Variants in SNX25 observed in about 807,000 individuals in gnomAD.
SNX25 encodes sorting nexin-25.
A neutral mutation model predicts 113.7 loss-of-function variants in SNX25; 62 were observed. The ratio of observed to expected loss-of-function variants is 0.55; its 90% confidence interval spans 0.44 to 0.67. SNX25 has a LOEUF of 0.67. Ranked by LOEUF, SNX25 falls within the 30% of genes least tolerant of loss-of-function variation. The pLI is 0.00. For synonymous variants in SNX25, 421 were observed against 436.2 expected (o/e 0.97, Z 0.43); for missense variants, 1,014 against 1,161.0 (o/e 0.87, Z 1.84).
At chr4:185,369,775 C>CTAGG in exon 12 of SNX25, 1 of 445,914 alleles carries the variant, frequency 2.2e-6, no homozygotes, top group Non-Finnish European at 4.5e-6. Context: ...ACGCTTCTGT[C>CTAGG]TCCTAGAGAC....
rs947179614 is a variant in SNX25 at position 185,317,587 on chromosome 4, A to G, written c.1345-3146A>G. The stretch of plus-strand genomic sequence containing the variant: ...GAACCAACCCAAATGCCCATCAATG[A>G]TAGACTGGAAGAAGAAAATGTGGCA... On this transcript the variant is annotated intron_variant, in intron 7 of 18. Coordinates refer to ENST00000652585, the MANE Select transcript of SNX25 (RefSeq NM_001378034.2). 3.9e-4 allele frequency among the ~76,000 whole-genome samples: 60 copies of G among 152,234 alleles called. 3 individuals carry two copies. Among genetic ancestry groups the G allele is most frequent in the Non-Finnish European group, 1.5e-5 (1 of 68,038 alleles).
intron 4 of SNX25, among the ~76,000 whole-genome samples, chr4:185,266,299 G>A (rs544441982): frequency 3.5e-4 from 54 of 152,214 alleles, no homozygotes; most frequent in African/African-American, 1.3e-3. Flanking sequence ...TTGTCAAAAC[G>A]TATTGAGCCT....
intron 1 of SNX25, among the ~76,000 whole-genome samples, chr4:185,230,618 C>T (rs557170840): frequency 1.0e-3 from 154 of 151,618 alleles, no homozygotes; most frequent in African/African-American, 3.6e-3. Flanking sequence ...AGGCTGGTCT[C>T]GAACTCCCGA....
At chr4:185,221,833 A>C (rs1308811376) in intron 1 of SNX25, among the ~76,000 whole-genome samples, 2 of 151,832 alleles carry the variant, frequency 1.3e-5, no homozygotes, top group African/African-American at 2.4e-5. Context: ...TATCTAGTTA[A>C]CTTCTCTTTC....
chr4:185,297,687 C>T (rs1052467469), intron 6 of SNX25, among the ~76,000 whole-genome samples: 1 of 152,146 alleles, frequency 6.6e-6, no homozygotes, highest in Non-Finnish European at 1.5e-5. Context: ...TGAGGGCCCT[C>T]TTGCTGGTTT....
chr4:185,338,663 G>A lies in SNX25; in HGVS notation c.1915-716G>A, dbSNP rs193186256. Among the ~76,000 whole-genome samples, 161 of 152,192 alleles carry A rather than the reference G, an allele frequency of 1.1e-3. 1 individual carries two copies. The highest frequency in any genetic ancestry group is 3.7e-3 in the African/African-American group (152 of 41,524). ...GATCTACTTTAATTGTTATATATAG[G>A]GTTAGGTGGCAAGGATCCAGCTTCA... is the stretch of plus-strand genomic sequence containing the variant. On this transcript the variant is annotated intron_variant, in intron 10 of 18. Transcript: ENST00000652585.
At chr4:185,303,033 C>G (rs1193923808) in intron 6 of SNX25, among the ~76,000 whole-genome samples, 1 of 152,230 alleles carries the variant, frequency 6.6e-6, no homozygotes, top group African/African-American at 2.4e-5. Flanking sequence ...CTAACACCTG[C>G]ATTTTATAAC....
chr4:185,264,603 A>G lies in SNX25; in HGVS notation c.897A>G (p.Thr299=), dbSNP rs1280126077. 1.2e-6 allele frequency: 2 copies of G among 1,613,932 alleles called. No homozygotes were observed. The highest frequency in any genetic ancestry group is 1.7e-6 in the Non-Finnish European group (2 of 1,179,838). The change falls in exon 4 of 19, where the codon ACA becomes ACG. Residue 299 remains threonine (T), a synonymous_variant. Coordinates refer to ENST00000652585, the MANE Select transcript of SNX25 (RefSeq NM_001378034.2). ...SLRIMLAEIL[T]TKVLKPVVEL... ...GTATAATGCTTGCAGAAATTCTCACAACAAAAGGTAGACTTATACAGTTGA... is the reference window on the plus strand; with the variant it reads ...GTATAATGCTTGCAGAAATTCTCACGACAAAAGGTAGACTTATACAGTTGA...
downstream of SNX25, chr4:185,372,808 G>C: frequency 7.0e-7 from 1 of 1,432,224 alleles, no homozygotes. Flanking sequence ...AAATTACCTA[G>C]TGTGTGATAT....
intron 1 of SNX25, among the ~76,000 whole-genome samples, chr4:185,213,229 T>C (rs1394134813): frequency 1.3e-5 from 2 of 152,116 alleles, no homozygotes; most frequent in East Asian, 3.9e-4. Context: ...TGTCCATTTA[T>C]GGTCACTAAC....
At chr4:185,357,785 C>A in intron 16 of SNX25, 48 bp downstream of exon 16, 1 of 1,473,048 alleles carries the variant, frequency 6.8e-7, no homozygotes, top group South Asian at 1.1e-5. Flanking sequence ...ACTCTTTTGC[C>A]TTGACAGTCA....
At chr4:185,307,230 G>A (rs768942765) in intron 6 of SNX25, among the ~76,000 whole-genome samples, 7 of 152,202 alleles carry the variant, frequency 4.6e-5, no homozygotes, top group African/African-American at 9.7e-5. Context: ...CTAGGGAACC[G>A]GATGGAGGTC....
At chr4:185,317,997 T>C (rs954134130) in intron 7 of SNX25, among the ~76,000 whole-genome samples, 1 of 152,116 alleles carries the variant, frequency 6.6e-6, no homozygotes, top group South Asian at 2.1e-4. Flanking sequence ...GCTGGAAGCA[T>C]TATGAAAAGT....
chr4:185,348,124 A>G (rs1441194520), intron 13 of SNX25, among the ~76,000 whole-genome samples: 2 of 152,196 alleles, frequency 1.3e-5, no homozygotes, highest in African/African-American at 4.8e-5. Flanking sequence ...TACTGTCCTC[A>G]ATAACAACCA....
chr4:185,282,259 T>A (rs1281555561), intron 5 of SNX25, among the ~76,000 whole-genome samples: 1 of 151,844 alleles, frequency 6.6e-6, no homozygotes, highest in Admixed American at 6.6e-5. Context: ...CCTCCCGAGT[T>A]CAAGCGATTC....
intron 1 of SNX25, among the ~76,000 whole-genome samples, chr4:185,228,286 G>A (rs2126394190): frequency 6.6e-6 from 1 of 152,218 alleles, no homozygotes; most frequent in Middle Eastern, 3.4e-3. Flanking sequence ...AAGTAGAGAG[G>A]AAGGGCCTGA....
intron 2 of SNX25, among the ~76,000 whole-genome samples, chr4:185,255,943 A>G (rs1241515727): frequency 1.3e-5 from 2 of 152,196 alleles, no homozygotes; most frequent in Non-Finnish European, 2.9e-5. Flanking sequence ...GTTTTTCCTT[A>G]ATGGAATAGT....
chr4:185,312,161 T>C (rs2095036207), intron 7 of SNX25, among the ~76,000 whole-genome samples: 1 of 152,166 alleles, frequency 6.6e-6, no homozygotes, highest in Non-Finnish European at 1.5e-5. Context: ...GTCCCATTCA[T>C]TCATTCATTC....
chr4:185,375,293 C>T, the SNX25 span, among the ~76,000 whole-genome samples: 363 of 147,876 alleles, frequency 2.5e-3, 3 homozygotes, highest in Middle Eastern at 0.014. Context: ...CCTGTCTCTA[C>T]TAAAACTACA....
Sources: gnomAD v4.1 joint callset for allele counts (sites outside exome capture counted in the v4.1 genomes callset) on GRCh38, gnomAD v4.1.1 for gene constraint, MANE v1.5 for transcripts, NCBI Gene and HGNC (gene_info 2026-07-23, HGNC 2026-07-21) for gene names.